The following CA12 variants were observed in gnomAD, a reference collection of about 807,000 sequenced individuals.
CA12 encodes the protein carbonate dehydratase XII.
CA12 carries 36 observed loss-of-function variants against 46.8 expected under a neutral mutation model. The ratio of observed to expected loss-of-function variants is 0.77; its 90% CI spans 0.59 to 1.02. The LOEUF (loss-of-function observed/expected upper bound fraction) is 1.02, where lower values mean the gene tolerates loss of function less well. Ranked by LOEUF, CA12 falls within the 50% of genes least tolerant of loss-of-function variation. The pLI, the probability that CA12 is intolerant of heterozygous loss-of-function variation, is 0.00. For synonymous variants in CA12, 202 were observed against 187.0 expected (o/e 1.08, Z -0.65); for missense variants, 436 against 451.4 (o/e 0.97, Z 0.31).
rs2038892610 is a variant in CA12, at chr15:63,328,190, C to T, written c.875-60G>A. The T allele has an allele frequency of 3.4e-6, 5 of 1,484,562 alleles. No homozygotes were observed. The Admixed American group carries it at 6.7e-5, about 20-fold the overall frequency. 92.0% of individuals were successfully genotyped at this position (1,484,562 alleles called of 1,614,324 possible). On this transcript the variant is annotated intron_variant, in intron 8 of 10. Coordinates refer to ENST00000178638, the MANE Select transcript of CA12 (RefSeq NM_001218.5). The surrounding 1 kb of genome is among the most constrained non-coding windows in gnomAD (Gnocchi z 5.9). ...AGAGTCAAACCACACTGGATTTGAG[C>T]AGCGTGTTGAGAGACGCTCTACCAT... is the stretch of plus-strand genomic sequence containing the variant.
Position 63,331,788 on chromosome 15 carries a change from G to A in CA12, c.875-3658C>T, listed in dbSNP as rs1225631076. 3.9e-5 allele frequency: 6 copies of A among 152,324 alleles called. No individual in the cohort carries two copies. The highest frequency in any genetic ancestry group is 2.1e-4 in the South Asian group (1 of 4,826). The allele number at this position is 152,324 out of a possible 1,614,324, so 9.4% of individuals were successfully genotyped here. ...CTGTTCTGGCAGGCCCAGGAGCTGC[G>A]TCTTCCACCGGCATCTTGCTGGACT... On this transcript the variant is annotated intron_variant, in intron 8 of 10. Transcript: ENST00000178638. This position sits in a 1 kb window ranked among gnomAD's most constrained non-coding sequence, Gnocchi z 5.3.
rs2152618030 is a variant in CA12, at chr15:63,345,754, G to A, written c.287-135C>T. On this transcript the variant is annotated intron_variant, in intron 3 of 10. Coordinates refer to ENST00000178638, the MANE Select transcript of CA12 (RefSeq NM_001218.5). The surrounding 1 kb of genome is among the most constrained non-coding windows in gnomAD (Gnocchi z 4.3). ...AGAGAGAGGCAGGTGGATGGAGTGAGGTGCGGAGCAGAGATGCAGCCTAAA... is the reference window on the plus strand; with the variant it reads ...AGAGAGAGGCAGGTGGATGGAGTGAAGTGCGGAGCAGAGATGCAGCCTAAA... The A allele has an allele frequency of 2.6e-6, 3 of 1,173,960 alleles. No individual in the cohort carries two copies. The East Asian group carries it at 7.7e-5, about 30-fold the overall frequency. 72.7% of individuals were successfully genotyped at this position (1,173,960 alleles called of 1,614,324 possible). A position where few individuals can be genotyped will look rare whatever the true frequency, so the allele number is the denominator to read the frequency against.
rs1448028830 is a variant in CA12 at position 63,338,719 on chromosome 15, C to T, written c.874+100G>A. 2.6e-6 allele frequency: 4 copies of T among 1,540,422 alleles called. No homozygotes were observed. In the East Asian group the frequency reaches 9.0e-5, roughly 35 times the overall value. On this transcript the variant is annotated intron_variant, in intron 8 of 10. Transcript: ENST00000178638. ...TGGCAGCCAGGGAGCTCTCAGCCAA[C>T]TTCTTGAGGGCATCAGTGCCAGAGC...
intron 2 of CA12, among the ~76,000 whole-genome samples, chr15:63,356,480 G>A (rs892032021): frequency 2.0e-5 from 3 of 151,504 alleles, no homozygotes; most frequent in African/African-American, 7.3e-5. Flanking sequence ...ATAGTTTGGC[G>A]GTGCCTTAAA....
chr15:63,381,491 G>T, intron 1 of CA12, 145 bp downstream of exon 1: 1 of 715,602 alleles, frequency 1.4e-6, no homozygotes, highest in Non-Finnish European at 2.4e-6. Context: ...GGAAAACGGA[G>T]CATCCTTTCT....
chr15:63,351,200 G>A (rs1442789966), intron 2 of CA12, among the ~76,000 whole-genome samples: 1 of 152,214 alleles, frequency 6.6e-6, no homozygotes, highest in African/African-American at 2.4e-5. Context: ...CTCCTCCAAG[G>A]CTCAACATCT....
chr15:63,379,465 C>T (rs1036975558), intron 1 of CA12, among the ~76,000 whole-genome samples: 1 of 152,224 alleles, frequency 6.6e-6, no homozygotes, highest in Non-Finnish European at 1.5e-5. Context: ...GAACAGAAGG[C>T]TTAAAAGGAT....
intron 4 of CA12, among the ~76,000 whole-genome samples, chr15:63,342,398 A>T (rs2039090889): frequency 6.6e-6 from 1 of 152,228 alleles, no homozygotes; most frequent in Non-Finnish European, 1.5e-5. Flanking sequence ...TCCAGGACAT[A>T]GGTAGATTTA....
Position 63,327,098 on chromosome 15 carries a change from C to A in CA12, c.992+51G>T. On this transcript the variant is annotated intron_variant, in intron 10 of 10. Transcript: ENST00000178638. This position sits in a 1 kb window ranked among gnomAD's most constrained non-coding sequence, Gnocchi z 4.5. ...AAGCTGCCTTCCCAGGCAGACTAATCATCATGGACACATAGCTGTCCATTC... is the reference window on the plus strand; with the variant it reads ...AAGCTGCCTTCCCAGGCAGACTAATAATCATGGACACATAGCTGTCCATTC... 1 of 1,500,710 alleles carries A rather than the reference C, an allele frequency of 6.7e-7. No individual in the cohort carries two copies. Among genetic ancestry groups the A allele is most frequent in the South Asian group, 1.1e-5 (1 of 88,432 alleles). 93.0% of individuals were successfully genotyped at this position (1,500,710 alleles called of 1,614,324 possible). A position where few individuals can be genotyped will look rare whatever the true frequency, so the allele number is the denominator to read the frequency against.
At position 63,381,691 on chromosome 15, in the gene CA12, G is replaced by A. The variant is rs1194447738; in HGVS notation, c.30C>T (p.Ala10=). 1.9e-6 allele frequency: 3 copies of A among 1,608,942 alleles called. No individual in the cohort carries two copies. The highest frequency in any genetic ancestry group is 2.5e-6 in the Non-Finnish European group (3 of 1,177,778). MPRRSLHAA[A]VLLLVILKEQ... ...CCTTTAAGATCACCAGCAGGAGCAC[G>A]GCCGCCGCGTGCAGGCTGCGCCGGG... Residue 10 remains alanine (A), a synonymous_variant, in exon 1 of 11, where the codon GCC becomes GCT. Transcript: ENST00000178638.
intron 2 of CA12, among the ~76,000 whole-genome samples, chr15:63,375,272 CCTTT>C: frequency 6.6e-6 from 1 of 152,162 alleles, no homozygotes; most frequent in African/African-American, 2.4e-5. Flanking sequence ...AGAGAGGAGC[CCTTT>C]CTTCTTTGTT....
At position 63,372,566 on chromosome 15, in the gene CA12, T is replaced by C. The variant is rs1045369186; in HGVS notation, c.106+3092A>G. Among the ~76,000 whole-genome samples the C allele has an allele frequency of 2.0e-5, 3 of 152,004 alleles. No individual in the cohort carries two copies. The highest frequency in any genetic ancestry group is 1.5e-5 in the Non-Finnish European group (1 of 67,976). ...GCAGTGTACGTGCAAAGAAGCTGAG[T>C]TCTGCACATGAGCCACCATGCCCAG... is the stretch of plus-strand genomic sequence containing the variant. On this transcript the variant is annotated intron_variant, in intron 2 of 10. Transcript: ENST00000178638. The surrounding 1 kb of genome is among the most constrained non-coding windows in gnomAD (Gnocchi z 4.5).
At chr15:63,376,048 A>T (rs1202001307) in intron 1 of CA12, among the ~76,000 whole-genome samples, 2 of 152,148 alleles carry the variant, frequency 1.3e-5, no homozygotes, top group Non-Finnish European at 2.9e-5. Context: ...ACCTCAGGTG[A>T]TCCGCCTGCC....
chr15:63,334,242 CTTTTTTTTTTTTTT>C (rs71131163), intron 8 of CA12, among the ~76,000 whole-genome samples: 18 of 64,962 alleles, frequency 2.8e-4, no homozygotes, highest in African/African-American at 5.8e-4. Flanking sequence ...GGAAGAGGCA[CTTTTTTTTTTTTTT>C]TTTTTTTTTT....
At chr15:63,351,278 C>T (rs891870571) in intron 2 of CA12, among the ~76,000 whole-genome samples, 6 of 152,174 alleles carry the variant, frequency 3.9e-5, no homozygotes, top group African/African-American at 1.4e-4. Flanking sequence ...TGGGTTAGGC[C>T]CTCGCCATGT....
chr15:63,364,084 G>A (rs1308020884), intron 2 of CA12, among the ~76,000 whole-genome samples: 1 of 152,096 alleles, frequency 6.6e-6, no homozygotes, highest in Admixed American at 6.5e-5. Flanking sequence ...GTACTCAGGA[G>A]GCTAAGGTAG....
intron 2 of CA12, among the ~76,000 whole-genome samples, chr15:63,359,172 C>T (rs1012601011): frequency 1.3e-5 from 2 of 152,192 alleles, no homozygotes; most frequent in Non-Finnish European, 2.9e-5. Context: ...CTCCAGACCA[C>T]CTGCCTGCTG....
At chr15:63,362,460 C>T (rs2039375315) in intron 2 of CA12, among the ~76,000 whole-genome samples, 1 of 152,322 alleles carries the variant, frequency 6.6e-6, no homozygotes, top group Non-Finnish European at 1.5e-5. Flanking sequence ...CAGGCAGTAG[C>T]AACGGCTATG....
At position 63,325,844 on chromosome 15, in the gene CA12, G is replaced by T. The variant is rs2152608639; in HGVS notation, c.*441C>A. On this transcript the variant is annotated 3_prime_UTR_variant, in exon 11 of 11. Transcript: ENST00000178638. The surrounding 1 kb of genome is among the most constrained non-coding windows in gnomAD (Gnocchi z 4.9). ...GCCCCGTCTCCAGAGGAAAGAAGTT[G>T]AGTTTCCCAAGCAAAACCTAAGCAG... is the stretch of plus-strand genomic sequence containing the variant. 4.7e-6 allele frequency: 1 copy of T among 213,206 alleles called. No homozygotes were observed. The highest frequency in any genetic ancestry group is 9.7e-6 in the Non-Finnish European group (1 of 103,490). 13.2% of individuals were successfully genotyped at this position (213,206 alleles called of 1,614,324 possible).
Sources: allele counts gnomAD v4.1 joint callset (sites outside exome capture counted in the v4.1 genomes callset), GRCh38; gene constraint gnomAD v4.1.1; non-coding constraint Gnocchi (gnomAD v3.1); transcripts MANE v1.5; gene names NCBI Gene and HGNC (gene_info 2026-07-23, HGNC 2026-07-21).